Variants in COMMD10 observed in about 807,000 individuals in gnomAD.
COMMD10 encodes the protein COMM domain-containing protein 10.
COMMD10 carries 33 observed loss-of-function variants against 28.9 expected under a neutral mutation model. That is an observed-to-expected ratio of 1.14 (90% CI 0.87 to 1.53). COMMD10 has a LOEUF of 1.53. COMMD10 is among the 40% of genes most tolerant of loss of function. The pLI is 0.00. For synonymous variants in COMMD10, 110 were observed against 81.7 expected, an observed-to-expected ratio of 1.35 and a Z score of -1.87; for missense variants, 310 against 233.4, an observed-to-expected ratio of 1.33 and a Z score of -2.14.
rs574251010 is a variant in COMMD10, at chr5:116,162,105, A to G, written c.510+27927A>G. Among the ~76,000 whole-genome samples the G allele has an allele frequency of 5.9e-5, 9 of 152,368 alleles. No individual in the cohort carries two copies. In the South Asian group the frequency reaches 1.9e-3, roughly 32 times the overall value. ...TAAAGTACAAGAAAATATGAAAATT[A>G]TAAGCATGCCCCTTAAGTAGATTCA... On this transcript the variant is annotated intron_variant, in intron 5 of 6. Transcript: ENST00000274458.
chr5:116,262,959 G>A (rs1750487540), intron 5 of COMMD10, among the ~76,000 whole-genome samples: 1 of 151,696 alleles, frequency 6.6e-6, no homozygotes, highest in Admixed American at 6.6e-5. Context: ...AATATAAATG[G>A]TTAACCTTAC....
At chr5:116,228,270 A>T (rs1050563794) in intron 5 of COMMD10, among the ~76,000 whole-genome samples, 8 of 152,006 alleles carry the variant, frequency 5.3e-5, no homozygotes, top group Non-Finnish European at 2.9e-5. Context: ...GAAATGAAAT[A>T]TAGTGCAACG....
intron 5 of COMMD10, among the ~76,000 whole-genome samples, chr5:116,246,726 C>A (rs2112668904): frequency 6.6e-6 from 1 of 152,158 alleles, no homozygotes; most frequent in African/African-American, 2.4e-5. Context: ...CTGACAAAAG[C>A]AAGCAATGGG....
At chr5:116,183,516 A>G (rs1007433592) in intron 5 of COMMD10, among the ~76,000 whole-genome samples, 1 of 152,112 alleles carries the variant, frequency 6.6e-6, no homozygotes, top group Non-Finnish European at 1.5e-5. Context: ...TCCTTATGAA[A>G]GTGAATTATA....
chr5:116,180,197 T>C (rs535180813), intron 5 of COMMD10, among the ~76,000 whole-genome samples: 16 of 152,124 alleles, frequency 1.1e-4, no homozygotes, highest in Non-Finnish European at 1.8e-4. Flanking sequence ...CCTCTGTACA[T>C]TTTCAGTTAT....
At chr5:116,093,731 A>G (rs1750377966) in intron 4 of COMMD10, among the ~76,000 whole-genome samples, 1 of 152,238 alleles carries the variant, frequency 6.6e-6, no homozygotes, top group Admixed American at 6.5e-5. Flanking sequence ...AATCCTAAGC[A>G]AAAAGAACAA....
chr5:116,237,795 A>G (rs1250697737), intron 5 of COMMD10, among the ~76,000 whole-genome samples: 1 of 152,172 alleles, frequency 6.6e-6, no homozygotes, highest in African/African-American at 2.4e-5. Context: ...ATTTCTTGCA[A>G]GTTAGCAGTG....
chr5:116,209,534 T>C (rs1342749858), intron 5 of COMMD10, among the ~76,000 whole-genome samples: 1 of 152,098 alleles, frequency 6.6e-6, no homozygotes, highest in African/African-American at 2.4e-5. Context: ...CCAGGAGCAT[T>C]AAAAGGACGT....
chr5:116,144,622 C>T (rs1752288060), intron 5 of COMMD10, among the ~76,000 whole-genome samples: 1 of 151,724 alleles, frequency 6.6e-6, no homozygotes, highest in Admixed American at 6.6e-5. Flanking sequence ...AGATGGAGGG[C>T]AGTATTGGAT....
chr5:116,254,095 G>A (rs928640635), intron 5 of COMMD10, among the ~76,000 whole-genome samples: 11 of 151,890 alleles, frequency 7.2e-5, no homozygotes, highest in African/African-American at 1.2e-4. Flanking sequence ...AGAGGTGTTT[G>A]TAGTATTCTC....
intron 4 of COMMD10, among the ~76,000 whole-genome samples, chr5:116,131,669 A>G (rs1751867571): frequency 6.6e-6 from 1 of 152,036 alleles, no homozygotes; most frequent in Admixed American, 6.6e-5. Flanking sequence ...AAGGTGAATA[A>G]GACTCCAGCT....
chr5:116,214,419 T>C (rs991027978), intron 5 of COMMD10, among the ~76,000 whole-genome samples: 7 of 152,084 alleles, frequency 4.6e-5, no homozygotes, highest in African/African-American at 1.7e-4. Context: ...AAGAAGCACA[T>C]TGGTTATGTT....
chr5:116,168,684 A>C (rs190570430), intron 5 of COMMD10, among the ~76,000 whole-genome samples: 2 of 152,320 alleles, frequency 1.3e-5, no homozygotes, highest in Non-Finnish European at 2.9e-5. Context: ...ACTCACTCAA[A>C]ACCACACAAA....
intron 5 of COMMD10, among the ~76,000 whole-genome samples, chr5:116,257,185 G>C (rs1395479057): frequency 6.8e-6 from 1 of 147,092 alleles, no homozygotes; most frequent in Non-Finnish European, 1.5e-5. Context: ...CATTTTGACA[G>C]CAACCCATCA....
intron 5 of COMMD10, among the ~76,000 whole-genome samples, chr5:116,233,124 T>C (rs946845125): frequency 2.6e-5 from 4 of 152,132 alleles, no homozygotes; most frequent in Non-Finnish European, 4.4e-5. Context: ...CCCCCACTTA[T>C]TTTTGGGGTT....
intron 5 of COMMD10, among the ~76,000 whole-genome samples, chr5:116,249,719 A>G (rs1159658219): frequency 2.0e-5 from 3 of 151,058 alleles, no homozygotes; most frequent in Non-Finnish European, 4.4e-5. Flanking sequence ...ACTATAGCCA[A>G]TTAAAATCTT....
chr5:116,171,279 T>C (rs1300035253), intron 5 of COMMD10, among the ~76,000 whole-genome samples: 4 of 152,184 alleles, frequency 2.6e-5, no homozygotes, highest in Non-Finnish European at 2.9e-5. Context: ...CACAATGAGA[T>C]ACCATCTCAC....
At chr5:116,245,706 C>T (rs1309780724) in intron 5 of COMMD10, among the ~76,000 whole-genome samples, 1 of 152,066 alleles carries the variant, frequency 6.6e-6, no homozygotes, top group Admixed American at 6.6e-5. Flanking sequence ...CAATAAATGT[C>T]ATTCATCACA....
intron 5 of COMMD10, among the ~76,000 whole-genome samples, chr5:116,192,938 A>G (rs2112614353): frequency 6.6e-6 from 1 of 152,332 alleles, no homozygotes; most frequent in South Asian, 2.1e-4. Context: ...CTTATAAAGG[A>G]AAGCCTATTG....
Sources: allele counts gnomAD v4.1 joint callset (sites outside exome capture counted in the v4.1 genomes callset), GRCh38; gene constraint gnomAD v4.1.1; transcripts MANE v1.5; gene names NCBI Gene and HGNC (gene_info 2026-07-23, HGNC 2026-07-21).